Variants in INTS2 observed in about 807,000 individuals in gnomAD.
INTS2 encodes KIAA1287.
INTS2 carries 57 observed loss-of-function variants against 139.6 expected under a neutral mutation model. The ratio of observed to expected loss-of-function variants is 0.41; its 90% CI spans 0.33 to 0.51. The LOEUF (loss-of-function observed/expected upper bound fraction) is 0.51, where lower values mean the gene tolerates loss of function less well. Among genes scored for constraint, INTS2 ranks in the 20% least tolerant of loss-of-function variants. INTS2 has a pLI of 0.28. For missense variants in INTS2, 1,196 were observed against 1,436.7 expected (o/e 0.83, Z 2.71); for synonymous variants, 473 against 493.4 (o/e 0.96, Z 0.55).
chr17:61,907,897 A>G (rs868859553), intron 7 of INTS2, among the ~76,000 whole-genome samples: 5 of 152,218 alleles, frequency 3.3e-5, no homozygotes, highest in African/African-American at 1.2e-4. Context: ...TATTATTTCA[A>G]TGGTACTTTC....
At chr17:61,921,516 C>T (rs1290962958) in intron 4 of INTS2, among the ~76,000 whole-genome samples, 1 of 152,014 alleles carries the variant, frequency 6.6e-6, no homozygotes, top group Non-Finnish European at 1.5e-5. Flanking sequence ...TCAAAGATAC[C>T]ATGTTAATGT....
Position 61,873,459 on chromosome 17 carries a change from G to C in INTS2, c.2583-999C>G, listed in dbSNP as rs1163717843. On this transcript the variant is annotated intron_variant, in intron 19 of 24. Coordinates refer to ENST00000251334, the MANE Select transcript of INTS2 (RefSeq NM_001351695.2). The surrounding 1 kb of genome is among the most constrained non-coding windows in gnomAD (Gnocchi z 4.0). Reference sequence around the variant, plus strand: ...GCTACAAAAACATTAGATACAATTTGATAACAGAATTTAACAACTTCCTTA... The same window carrying C: ...GCTACAAAAACATTAGATACAATTTCATAACAGAATTTAACAACTTCCTTA... Among the ~76,000 whole-genome samples, 2 of 152,140 alleles carry C rather than the reference G, an allele frequency of 1.3e-5. No homozygotes were observed. Among genetic ancestry groups the C allele is most frequent in the East Asian group, 3.8e-4 (2 of 5,200 alleles).
At chr17:61,887,214 G>A (rs2079237574) in intron 15 of INTS2, among the ~76,000 whole-genome samples, 1 of 152,188 alleles carries the variant, frequency 6.6e-6, no homozygotes. Flanking sequence ...CAGGCAAAGT[G>A]GCTCACACCT....
At chr17:61,905,775 G>A (rs1052678648) in intron 8 of INTS2, among the ~76,000 whole-genome samples, 3 of 152,018 alleles carry the variant, frequency 2.0e-5, no homozygotes, top group East Asian at 1.9e-4. Flanking sequence ...TTAGCTCACC[G>A]CAACCTCCAC....
At chr17:61,906,052 T>C (rs1376862268) in intron 8 of INTS2, among the ~76,000 whole-genome samples, 6 of 152,198 alleles carry the variant, frequency 3.9e-5, no homozygotes, top group Admixed American at 2.0e-4. Flanking sequence ...TTTTGGAATA[T>C]AATGTTCCAA....
In INTS2 at chr17:61,869,030, A is replaced by T. The variant is rs1277192930; in HGVS notation, c.3244+4T>A. 2 of 1,538,560 alleles carry T rather than the reference A, an allele frequency of 1.3e-6. No individual in the cohort carries two copies. Among genetic ancestry groups the T allele is most frequent in the Admixed American group, 1.7e-5 (1 of 59,436 alleles). On this transcript the variant is annotated splice_donor_region_variant and intron_variant, in intron 23 of 24. Transcript: ENST00000251334. This position sits in a 1 kb window ranked among gnomAD's most constrained non-coding sequence, Gnocchi z 5.4. ...ATGTTTGTTGATGTTGATTGGCTAC[A>T]TACCTGTTAACAAAGTTCCCATGAC...
At chr17:61,919,186 G>A (rs934082337) in intron 5 of INTS2, among the ~76,000 whole-genome samples, 1 of 152,032 alleles carries the variant, frequency 6.6e-6, no homozygotes, top group Admixed American at 6.6e-5. Flanking sequence ...GCCTCCCAAA[G>A]TGCTGGGATT....
At chr17:61,886,302 C>T (rs796708223) in intron 15 of INTS2, among the ~76,000 whole-genome samples, 15 of 152,296 alleles carry the variant, frequency 9.8e-5, no homozygotes, top group African/African-American at 3.6e-4. Flanking sequence ...CCACCAGCCC[C>T]AGCATTCCAA....
intron 6 of INTS2, 83 bp downstream of exon 6, chr17:61,911,857 C>G: frequency 6.7e-7 from 1 of 1,497,562 alleles, no homozygotes; most frequent in Non-Finnish European, 9.0e-7. Flanking sequence ...TTCCCCACCT[C>G]TACAGGACTC....
chr17:61,886,296 C>A (rs1017744468), intron 15 of INTS2, among the ~76,000 whole-genome samples: 1 of 152,202 alleles, frequency 6.6e-6, no homozygotes, highest in Non-Finnish European at 1.5e-5. Flanking sequence ...GGTGATCCAC[C>A]AGCCCCAGCA....
In INTS2 at chr17:61,909,221, C is replaced by T. The variant is rs899337691; in HGVS notation, c.955-1587G>A. ...CTGCCTCCCATGTTCAAGCGATTCT[C>T]CTGCCTCAGCCTCCCGAGTAGCTGG... On this transcript the variant is annotated intron_variant, in intron 7 of 24. Coordinates refer to ENST00000251334, the MANE Select transcript of INTS2 (RefSeq NM_001351695.2). The surrounding 1 kb of genome is among the most constrained non-coding windows in gnomAD (Gnocchi z 4.9). Among the ~76,000 whole-genome samples the T allele has an allele frequency of 2.0e-5, 3 of 152,076 alleles. No individual in the cohort carries two copies. Among genetic ancestry groups the T allele is most frequent in the South Asian group, 2.1e-4 (1 of 4,832 alleles).
intron 16 of INTS2, among the ~76,000 whole-genome samples, chr17:61,884,633 C>G (rs2079208658): frequency 6.6e-6 from 1 of 151,892 alleles, no homozygotes; most frequent in Non-Finnish European, 1.5e-5. Context: ...TCTAAATTAG[C>G]TGAATATCTG....
intron 17 of INTS2, among the ~76,000 whole-genome samples, chr17:61,880,657 T>C (rs1051479319): frequency 6.6e-6 from 1 of 151,322 alleles, no homozygotes; most frequent in Non-Finnish European, 1.5e-5. Flanking sequence ...GGGACTCAGG[T>C]AGGAGGACTG....
intron 18 of INTS2, 137 bp downstream of exon 18, chr17:61,877,750 A>G: frequency 1.6e-6 from 1 of 618,778 alleles, no homozygotes; most frequent in East Asian, 2.8e-5. Context: ...TAGTCTTAAG[A>G]AAGGAGATAT....
chr17:61,905,359 C>T (rs12601523), intron 8 of INTS2, among the ~76,000 whole-genome samples: 9,980 of 152,248 alleles, frequency 0.066, 584 homozygotes, highest in South Asian at 0.3. Flanking sequence ...CAGAGTCTCA[C>T]CCTGTCGCCC....
chr17:61,890,983 CAAAAAAAAAAAA>C (rs753902456), intron 14 of INTS2, among the ~76,000 whole-genome samples: 6 of 11,320 alleles, frequency 5.3e-4, no homozygotes, highest in African/African-American at 1.7e-3. Context: ...ACTCCAGTCT[CAAAAAAAAAAAA>C]AAAAAAAAAA....
chr17:61,905,821 C>T (rs2079456998), intron 8 of INTS2, among the ~76,000 whole-genome samples: 1 of 152,126 alleles, frequency 6.6e-6, no homozygotes, highest in African/African-American at 2.4e-5. Context: ...CCTCAGCCTC[C>T]CAAGTAGCTG....
At chr17:61,921,963 T>C (rs2079646358) in intron 3 of INTS2, 136 bp from the exon 4 acceptor site, 3 of 520,040 alleles carry the variant, frequency 5.8e-6, no homozygotes, top group Non-Finnish European at 6.9e-6. Context: ...ATATGCAGTA[T>C]TCAATCAATT....
intron 5 of INTS2, among the ~76,000 whole-genome samples, chr17:61,917,146 C>T (rs910120835): frequency 2.0e-5 from 3 of 152,106 alleles, no homozygotes; most frequent in Admixed American, 6.6e-5. Flanking sequence ...TAGGTGCTAG[C>T]GAGGCTGTGG....
Sources: allele counts gnomAD v4.1 joint callset (sites outside exome capture counted in the v4.1 genomes callset), GRCh38; gene constraint gnomAD v4.1.1; non-coding constraint Gnocchi (gnomAD v3.1); transcripts MANE v1.5; gene names NCBI Gene and HGNC (gene_info 2026-07-23, HGNC 2026-07-21).